The following GPR37 variants were observed in gnomAD, a reference collection of about 807,000 sequenced individuals.
GPR37 encodes prosaposin receptor GPR37.
Under a neutral mutation model 43.6 loss-of-function variants are expected in GPR37, and 20 were observed. The ratio of observed to expected loss-of-function variants is 0.46; its 90% CI spans 0.32 to 0.67. The LOEUF (loss-of-function observed/expected upper bound fraction) is 0.67, where lower values mean the gene tolerates loss of function less well. Among genes scored for constraint, GPR37 ranks in the 30% least tolerant of loss-of-function variants. GPR37 has a pLI of 0.03. For synonymous variants in GPR37, 315 were observed against 322.6 expected (o/e 0.98, Z 0.25); for missense variants, 724 against 797.2 (o/e 0.91, Z 1.11).
At position 124,764,683 on chromosome 7, in the gene GPR37, T is replaced by C. The variant is rs1443824866; in HGVS notation, c.294A>G (p.Ala98=). The change falls in exon 1 of 2, where the codon GCA becomes GCG. Residue 98 remains alanine, a synonymous_variant. Transcript: ENST00000303921. The surrounding 1 kb of genome is among the most constrained non-coding windows in gnomAD (Gnocchi z 5.4). ...LPAAPGRDPA[A]GRGAEASAAG... The stretch of plus-strand genomic sequence containing the variant: ...CTGCCGACGCCTCCGCCCCTCTGCC[T>C]GCAGCCGGGTCACGGCCCGGGGCCG... 1 of 1,593,416 alleles carries C rather than the reference T, an allele frequency of 6.3e-7. No homozygotes were observed. Among genetic ancestry groups the C allele is most frequent in the Non-Finnish European group, 8.5e-7 (1 of 1,170,872 alleles).
Position 124,765,203 on chromosome 7 carries a change from A to T in GPR37, c.-227T>A, listed in dbSNP as rs752083748. The T allele has an allele frequency of 4.4e-6, 2 of 455,626 alleles. No individual in the cohort carries two copies. The highest frequency in any genetic ancestry group is 7.6e-6 in the Non-Finnish European group (2 of 261,936). The allele number at this position is 455,626 out of a possible 1,614,324, so 28.2% of individuals were successfully genotyped here. Reference sequence around the variant, plus strand: ...TCTTGTGCATTTCTCAGCCAAGTTGAGTCCCAGCAAGGTATGCCCTCCAAG... The same window carrying T: ...TCTTGTGCATTTCTCAGCCAAGTTGTGTCCCAGCAAGGTATGCCCTCCAAG... On this transcript the variant is annotated 5_prime_UTR_variant, in exon 1 of 2. Transcript: ENST00000303921.
chr7:124,745,328 T>C lies in GPR37; in HGVS notation c.*1197A>G, dbSNP rs1793658547. ...TCACTAGGTCATGGTCTCTGCCACCTGAGTTAGACATGTGTCCCACACAGC... is the reference window on the plus strand; with the variant it reads ...TCACTAGGTCATGGTCTCTGCCACCCGAGTTAGACATGTGTCCCACACAGC... On this transcript the variant is annotated 3_prime_UTR_variant, in exon 2 of 2. Transcript: ENST00000303921. Among the ~76,000 whole-genome samples the C allele has an allele frequency of 6.6e-6, 1 of 152,184 alleles. No individual in the cohort carries two copies. Among genetic ancestry groups the C allele is most frequent in the South Asian group, 2.1e-4 (1 of 4,834 alleles).
intron 1 of GPR37, among the ~76,000 whole-genome samples, chr7:124,761,251 C>T (rs574969553): frequency 1.3e-5 from 2 of 152,084 alleles, no homozygotes; most frequent in South Asian, 4.2e-4. Context: ...GCACTGATTC[C>T]TCCAGCTGCT....
At chr7:124,752,377 T>C (rs1259833263) in intron 1 of GPR37, among the ~76,000 whole-genome samples, 1 of 152,178 alleles carries the variant, frequency 6.6e-6, no homozygotes, top group African/African-American at 2.4e-5. Context: ...GCAGGAATTT[T>C]ATCCTCAAGA....
rs747781608 is a variant in GPR37 at position 124,745,370 on chromosome 7, T to G, written c.*1155A>C. ...CCACACAGCAAGCATCCTACACAAC[T>G]GCTGCATTTTAAACTCCAGAAGAGG... On this transcript the variant is annotated 3_prime_UTR_variant, in exon 2 of 2. Coordinates refer to ENST00000303921, the MANE Select transcript of GPR37 (RefSeq NM_005302.5). Among the ~76,000 whole-genome samples, 1 of 152,146 alleles carries G rather than the reference T, an allele frequency of 6.6e-6. No individual in the cohort carries two copies. Among genetic ancestry groups the G allele is most frequent in the Non-Finnish European group, 1.5e-5 (1 of 68,016 alleles).
intron 1 of GPR37, among the ~76,000 whole-genome samples, chr7:124,761,410 T>C (rs1170611974): frequency 6.6e-6 from 1 of 152,180 alleles, no homozygotes; most frequent in Non-Finnish European, 1.5e-5. Flanking sequence ...TAAAGAGATG[T>C]AAAGGCTGAG....
intron 1 of GPR37, among the ~76,000 whole-genome samples, chr7:124,761,867 T>C (rs2116326948): frequency 6.6e-6 from 1 of 152,346 alleles, no homozygotes; most frequent in Admixed American, 6.5e-5. Flanking sequence ...TATTAAGATG[T>C]TCATTCACTA....
chr7:124,758,440 A>G (rs1435393276), intron 1 of GPR37, among the ~76,000 whole-genome samples: 1 of 152,206 alleles, frequency 6.6e-6, no homozygotes, highest in Non-Finnish European at 1.5e-5. Flanking sequence ...TTCCACTTAA[A>G]AGTCCGGCAG....
chr7:124,756,498 T>A (rs1346742379), intron 1 of GPR37, among the ~76,000 whole-genome samples: 2 of 152,100 alleles, frequency 1.3e-5, no homozygotes, highest in African/African-American at 4.8e-5. Context: ...ACTCTGCAAA[T>A]AAAAAAAGAC....
At chr7:124,752,544 G>A (rs1326650934) in intron 1 of GPR37, among the ~76,000 whole-genome samples, 1 of 152,074 alleles carries the variant, frequency 6.6e-6, no homozygotes, top group East Asian at 1.9e-4. Context: ...CCTTGATCTG[G>A]GACATATCCA....
chr7:124,750,620 T>C (rs565764616), intron 1 of GPR37, among the ~76,000 whole-genome samples: 1 of 152,236 alleles, frequency 6.6e-6, no homozygotes, highest in African/African-American at 2.4e-5. Context: ...GGATCAATTA[T>C]CACATATGCT....
intron 1 of GPR37, among the ~76,000 whole-genome samples, chr7:124,753,053 G>A (rs1793750258): frequency 1.3e-5 from 2 of 151,930 alleles, no homozygotes; most frequent in African/African-American, 4.8e-5. Context: ...TAGTCATTTA[G>A]AAAATCATTA....
rs532149793 is a variant in GPR37, at chr7:124,746,649, T to C, written c.1718A>G (p.Gln573Arg). The change falls in exon 2 of 2, where the codon CAG becomes CGG. Residue 573 changes from glutamine to arginine, a missense_variant. Around this residue, in one of 2 missense-constraint regions of GPR37, gnomAD observed 342 missense variants for 441.8 expected, o/e 0.77. Coordinates refer to ENST00000303921, the MANE Select transcript of GPR37 (RefSeq NM_005302.5). ...CCCCCCEECI[Q>R]KSSTVTSDDN... ...ATCACTGGTCACCGTTGAAGACTTC[T>C]GAATGCATTCCTCACAGCAACAGCA... 5.0e-6 allele frequency: 8 copies of C among 1,613,958 alleles called. No homozygotes were observed. In the East Asian group the frequency reaches 1.1e-4, roughly 22 times the overall value.
At chr7:124,760,699 G>T (rs952569132) in intron 1 of GPR37, among the ~76,000 whole-genome samples, 2 of 152,204 alleles carry the variant, frequency 1.3e-5, no homozygotes, top group Admixed American at 6.5e-5. Context: ...CTTCATACAG[G>T]TTGGTCTAAT....
chr7:124,749,901 T>C (rs535499522), intron 1 of GPR37, among the ~76,000 whole-genome samples: 46 of 152,270 alleles, frequency 3.0e-4, no homozygotes, highest in Non-Finnish European at 4.4e-4. Context: ...ATCAACCTAA[T>C]ATGACTGCAA....
chr7:124,759,075 T>C (rs913766536), intron 1 of GPR37, among the ~76,000 whole-genome samples: 21 of 151,562 alleles, frequency 1.4e-4, no homozygotes, highest in Non-Finnish European at 2.8e-4. Context: ...AATTTTTTTT[T>C]TTTTTTTTTG....
chr7:124,750,914 ACT>A (rs1441733134), intron 1 of GPR37, among the ~76,000 whole-genome samples: 3 of 152,138 alleles, frequency 2.0e-5, no homozygotes, highest in Non-Finnish European at 2.9e-5. Flanking sequence ...GGAATTCTAC[ACT>A]GTGTTTTATC....
rs367965158 is a variant in GPR37 at position 124,746,804 on chromosome 7, C to G, written c.1563G>C (p.Gly521=). 5 of 1,613,996 alleles carry G rather than the reference C, an allele frequency of 3.1e-6. No homozygotes were observed. In the South Asian group the frequency reaches 5.5e-5, roughly 18 times the overall value. The change falls in exon 2 of 2, where the codon GGG becomes GGC. Residue 521 remains glycine, a synonymous_variant. Coordinates refer to ENST00000303921, the MANE Select transcript of GPR37 (RefSeq NM_005302.5). The part of the protein sequence containing the change: ...CNIVTAYMAT[G]VSQQTMDLLN... ...GGAGGTCCATTGTCTGCTGTGAAAC[C>G]CCTGTAGCCATGTAGGCAGTAACAA... is the stretch of plus-strand genomic sequence containing the variant.
Position 124,763,138 on chromosome 7 carries a change from C to A in GPR37, c.1023+816G>T, listed in dbSNP as rs544461609. Among the ~76,000 whole-genome samples, 3 of 152,302 alleles carry A rather than the reference C, an allele frequency of 2.0e-5. No homozygotes were observed. In the East Asian group the frequency reaches 5.8e-4, roughly 29 times the overall value. ...AAAGTTTGGAAACTAGATGTGCCCC[C>A]TTCTTCCCAAGAAATTTTCTAGTCT... is the stretch of plus-strand genomic sequence containing the variant. On this transcript the variant is annotated intron_variant, in intron 1 of 1. Coordinates refer to ENST00000303921, the MANE Select transcript of GPR37 (RefSeq NM_005302.5).
Sources: allele counts gnomAD v4.1 joint callset (sites outside exome capture counted in the v4.1 genomes callset), GRCh38; gene constraint gnomAD v4.1.1; regional missense constraint gnomAD v4.1.1; non-coding constraint Gnocchi (gnomAD v3.1); transcripts MANE v1.5; gene names NCBI Gene and HGNC (gene_info 2026-07-23, HGNC 2026-07-21).